CTNND2: variants seen among roughly 807,000 people sequenced by gnomAD.
The protein encoded by CTNND2 is catenin delta 2, also known as catenin delta-2.
Under a neutral mutation model 144.4 loss-of-function variants are expected in CTNND2, and 22 were observed. The observed-to-expected ratio is 0.15, with a 90% CI of 0.11 to 0.22. CTNND2 has a LOEUF of 0.22. Ranked by LOEUF, CTNND2 falls within the 10% of genes least tolerant of loss-of-function variation. The probability of loss-of-function intolerance (pLI) is 1.00; values close to 1 mark genes in which losing one functional copy is unlikely to be tolerated. For synonymous variants in CTNND2, 751 were observed against 695.6 expected, an observed-to-expected ratio of 1.08 and a Z score of -1.25; for missense variants, 1,353 against 1,618.8, an observed-to-expected ratio of 0.84 and a Z score of 2.82.
chr5:11,399,799 A>G (rs1035144386), intron 5 of CTNND2, among the ~76,000 whole-genome samples: 3 of 152,250 alleles, frequency 2.0e-5, no homozygotes, highest in Non-Finnish European at 4.4e-5. Flanking sequence ...ATGTATCAGA[A>G]TATTACAACA....
At chr5:11,388,684 G>A (rs796729719) in intron 6 of CTNND2, among the ~76,000 whole-genome samples, 19 of 152,242 alleles carry the variant, frequency 1.2e-4, no homozygotes, top group African/African-American at 4.3e-4. Context: ...TTTCACTACC[G>A]AATTTGATTT....
chr5:11,717,259 G>A (rs1322950985), intron 2 of CTNND2, among the ~76,000 whole-genome samples: 1 of 151,914 alleles, frequency 6.6e-6, no homozygotes, highest in Non-Finnish European at 1.5e-5. Flanking sequence ...CACTGTATTA[G>A]TTTGTTCTCA....
chr5:11,698,946 T>C (rs1229181993), intron 2 of CTNND2, among the ~76,000 whole-genome samples: 2 of 150,658 alleles, frequency 1.3e-5, no homozygotes, highest in African/African-American at 4.9e-5. Context: ...ATATTTTCTT[T>C]TCTTAATGCA....
intron 2 of CTNND2, among the ~76,000 whole-genome samples, chr5:11,610,560 C>T (rs139116614): frequency 1.3e-5 from 2 of 152,256 alleles, no homozygotes; most frequent in East Asian, 1.9e-4. Context: ...GGGAACCCAC[C>T]GTCCAATAAG....
intron 11 of CTNND2, among the ~76,000 whole-genome samples, chr5:11,182,328 T>G (rs1472002470): frequency 1.3e-5 from 2 of 151,944 alleles, no homozygotes; most frequent in African/African-American, 2.4e-5. Context: ...ATGCCTACAT[T>G]GCACAGGTAT....
chr5:11,149,363 G>A (rs954548995), intron 12 of CTNND2, among the ~76,000 whole-genome samples: 7 of 152,134 alleles, frequency 4.6e-5, no homozygotes, highest in Admixed American at 6.5e-5. Flanking sequence ...ATGTAACCCC[G>A]GGAAGAACAA....
At chr5:11,794,739 T>C (rs753203819) in intron 1 of CTNND2, among the ~76,000 whole-genome samples, 1 of 152,190 alleles carries the variant, frequency 6.6e-6, no homozygotes, top group African/African-American at 2.4e-5. Context: ...CTCCCACGTA[T>C]GAGTGATCGA....
chr5:11,701,493 G>A (rs10075765), intron 2 of CTNND2, among the ~76,000 whole-genome samples: 1,936 of 152,128 alleles, frequency 0.013, 33 homozygotes, highest in African/African-American at 0.04. Flanking sequence ...TTCAATATTC[G>A]TATTTATTCT....
At chr5:11,772,268 A>C (rs1789991957) in intron 1 of CTNND2, among the ~76,000 whole-genome samples, 1 of 152,056 alleles carries the variant, frequency 6.6e-6, no homozygotes, top group African/African-American at 2.4e-5. Context: ...ATCTATTTCT[A>C]AAGTCGTATT....
chr5:11,749,861 T>A (rs1268474081), intron 1 of CTNND2, among the ~76,000 whole-genome samples: 1 of 152,020 alleles, frequency 6.6e-6, no homozygotes, highest in Non-Finnish European at 1.5e-5. Context: ...CTATACCTTA[T>A]TTAAAAAAAT....
chr5:11,882,898 G>A (rs1208448257), intron 1 of CTNND2, among the ~76,000 whole-genome samples: 1 of 152,084 alleles, frequency 6.6e-6, no homozygotes, highest in Non-Finnish European at 1.5e-5. Context: ...TTCTTTAGTA[G>A]TATGGACATA....
chr5:11,603,088 G>C (rs1779884873), intron 2 of CTNND2, among the ~76,000 whole-genome samples: 1 of 152,000 alleles, frequency 6.6e-6, no homozygotes, highest in Admixed American at 6.6e-5. Context: ...TTTAGGAGAG[G>C]GTACTTCACA....
Position 11,903,562 on chromosome 5 carries a change from G to C in CTNND2, c.37+255C>G, listed in dbSNP as rs964940449. Among the ~76,000 whole-genome samples, 2 of 152,168 alleles carry C rather than the reference G, an allele frequency of 1.3e-5. No homozygotes were observed. The highest frequency in any genetic ancestry group is 2.9e-5 in the Non-Finnish European group (2 of 68,030). ...CCCGGGGAGATGGGTGGCAGGGAGG[G>C]GGAGCACGCAGGGCAGCCACTTGGT... On this transcript the variant is annotated intron_variant, in intron 1 of 21. Coordinates refer to ENST00000304623, the MANE Select transcript of CTNND2 (RefSeq NM_001332.4). This position sits in a 1 kb window ranked among gnomAD's most constrained non-coding sequence, Gnocchi z 5.4.
chr5:11,447,876 A>T (rs1032460976), intron 3 of CTNND2, among the ~76,000 whole-genome samples: 1 of 152,224 alleles, frequency 6.6e-6, no homozygotes, highest in African/African-American at 2.4e-5. Flanking sequence ...CATCCCATGA[A>T]TCTTGACTGC....
intron 2 of CTNND2, among the ~76,000 whole-genome samples, chr5:11,715,429 T>C (rs1385712144): frequency 6.6e-6 from 1 of 152,220 alleles, no homozygotes; most frequent in East Asian, 1.9e-4. Context: ...CACATTCTGA[T>C]GAATTTTTCA....
intron 2 of CTNND2, among the ~76,000 whole-genome samples, chr5:11,657,641 T>G (rs1177304911): frequency 6.6e-6 from 1 of 152,192 alleles, no homozygotes; most frequent in East Asian, 1.9e-4. Context: ...CACTAAAGAC[T>G]GACAATACAA....
intron 1 of CTNND2, among the ~76,000 whole-genome samples, chr5:11,739,620 C>T (rs1453918524): frequency 1.3e-5 from 2 of 151,046 alleles, no homozygotes; most frequent in African/African-American, 2.4e-5. Context: ...GGAAGCATTC[C>T]CTTTGAAAAC....
At chr5:11,353,200 T>C (rs1195070247) in intron 8 of CTNND2, among the ~76,000 whole-genome samples, 2 of 152,138 alleles carry the variant, frequency 1.3e-5, no homozygotes, top group Non-Finnish European at 2.9e-5. Context: ...CATGATCTCA[T>C]TTAATGCTCA....
intron 2 of CTNND2, among the ~76,000 whole-genome samples, chr5:11,623,003 T>C (rs375503424): frequency 1.3e-5 from 2 of 152,084 alleles, no homozygotes; most frequent in East Asian, 1.9e-4. Flanking sequence ...TTTGGTACCA[T>C]AAGAGGACAA....
Sources: allele counts gnomAD v4.1 joint callset (sites outside exome capture counted in the v4.1 genomes callset), GRCh38; gene constraint gnomAD v4.1.1; non-coding constraint Gnocchi (gnomAD v3.1); transcripts MANE v1.5; gene names NCBI Gene and HGNC (gene_info 2026-07-23, HGNC 2026-07-21).